PIK3R1: variants seen among roughly 807,000 people sequenced by gnomAD.
The protein encoded by PIK3R1 is phosphoinositide-3-kinase regulatory subunit 1.
In PIK3R1, 29 loss-of-function variants were observed where a neutral mutation model predicts 98.0. The ratio of observed to expected loss-of-function variants is 0.30; its 90% CI spans 0.22 to 0.40. The LOEUF (loss-of-function observed/expected upper bound fraction) is 0.40, where lower values mean the gene tolerates loss of function less well. PIK3R1 is among the 10% of genes least tolerant of loss of function. The pLI is 1.00. For missense variants in PIK3R1, 596 were observed against 872.7 expected, an observed-to-expected ratio of 0.68 and a Z score of 3.99; for synonymous variants, 282 against 311.8, an observed-to-expected ratio of 0.90 and a Z score of 1.01.
In PIK3R1 at chr5:68,290,261, T is replaced by G. The variant is rs111357406; in HGVS notation, c.917-1998T>G. Reference sequence around the variant, plus strand: ...TAAAACATAACTTAAGTATACCCTTTTAATGCCTTTGTAAGATTTTTAAAC... The same window carrying G: ...TAAAACATAACTTAAGTATACCCTTGTAATGCCTTTGTAAGATTTTTAAAC... On this transcript the variant is annotated intron_variant, in intron 7 of 15. Coordinates refer to ENST00000521381, the MANE Select transcript of PIK3R1 (RefSeq NM_181523.3). 6.1e-3 allele frequency among the ~76,000 whole-genome samples: 932 copies of G among 152,334 alleles called. 11 individuals carry two copies. Among genetic ancestry groups the G allele is most frequent in the African/African-American group, 0.021 (888 of 41,584 alleles).
Position 68,226,627 on chromosome 5 carries a change from T to C in PIK3R1, c.-49T>C. 1.4e-6 allele frequency: 2 copies of C among 1,433,568 alleles called. No individual in the cohort carries two copies. Among genetic ancestry groups the C allele is most frequent in the South Asian group, 2.4e-5 (2 of 83,662 alleles). The allele number at this position is 1,433,568 out of a possible 1,614,324, so 88.8% of individuals were successfully genotyped here. On this transcript the variant is annotated 5_prime_UTR_variant, in exon 2 of 16. Coordinates refer to ENST00000521381, the MANE Select transcript of PIK3R1 (RefSeq NM_181523.3). Reference sequence around the variant, plus strand: ...TTTTCATAAAAACGTAAAATCAGACTGCTCTGTACAACCAGGCTCAACTGT... The same window carrying C: ...TTTTCATAAAAACGTAAAATCAGACCGCTCTGTACAACCAGGCTCAACTGT...
Position 68,223,081 on chromosome 5 carries a change from A to G in PIK3R1, c.-386-3209A>G, listed in dbSNP as rs528433698. Among the ~76,000 whole-genome samples the G allele has an allele frequency of 1.5e-3, 224 of 151,792 alleles. 3 individuals are homozygous for G. Among genetic ancestry groups the G allele is most frequent in the African/African-American group, 4.9e-3 (203 of 41,176 alleles). ...ATAACTATATATAGTCAGCATCATC[A>G]TATCATCTAATACTAATTGGGAGCT... On this transcript the variant is annotated intron_variant, in intron 1 of 15. Transcript: ENST00000521381.
chr5:68,232,382 A>T (rs968539183), intron 2 of PIK3R1, among the ~76,000 whole-genome samples: 1 of 152,186 alleles, frequency 6.6e-6, no homozygotes, highest in African/African-American at 2.4e-5. Context: ...AAGAGACAGG[A>T]TGCTCACTTT....
At chr5:68,277,004 G>A (rs187156324) in intron 4 of PIK3R1, among the ~76,000 whole-genome samples, 1 of 152,196 alleles carries the variant, frequency 6.6e-6, no homozygotes, top group Non-Finnish European at 1.5e-5. Context: ...TGTCTTGTTA[G>A]AGGGGTGGCT....
chr5:68,288,645 C>A (rs1413593252), intron 7 of PIK3R1: 3 of 1,599,768 alleles, frequency 1.9e-6, no homozygotes, highest in Non-Finnish European at 2.6e-6. Flanking sequence ...GGGGGAGGTG[C>A]GGGGGCTTGG....
intron 2 of PIK3R1, among the ~76,000 whole-genome samples, chr5:68,251,779 A>G (rs1245132255): frequency 1.3e-5 from 2 of 152,130 alleles, no homozygotes; most frequent in African/African-American, 4.8e-5. Flanking sequence ...TATTTCCCCA[A>G]AGGAAATCAC....
chr5:68,224,965 T>A (rs183582886), intron 1 of PIK3R1, among the ~76,000 whole-genome samples: 1 of 152,382 alleles, frequency 6.6e-6, no homozygotes, highest in African/African-American at 2.4e-5. Context: ...CATTGCTACT[T>A]CCTCTCTAAT....
chr5:68,257,259 C>A (rs757781075), intron 2 of PIK3R1, among the ~76,000 whole-genome samples: 24 of 152,252 alleles, frequency 1.6e-4, no homozygotes, highest in Non-Finnish European at 2.9e-4. Context: ...CCCCGACCCA[C>A]ACATTTCACC....
intron 7 of PIK3R1, among the ~76,000 whole-genome samples, chr5:68,286,869 A>T (rs1747099949): frequency 6.6e-6 from 1 of 152,202 alleles, no homozygotes. Context: ...TAGAAAGGCT[A>T]TTTTTAAAAG....
At chr5:68,216,280 C>T (rs1025976677) in intron 1 of PIK3R1, among the ~76,000 whole-genome samples, 14 of 152,346 alleles carry the variant, frequency 9.2e-5, no homozygotes, top group African/African-American at 3.1e-4. Flanking sequence ...TCCCACCCTC[C>T]GTCACCGCAC....
chr5:68,256,266 G>A (rs1745511031), intron 2 of PIK3R1, among the ~76,000 whole-genome samples: 3 of 152,156 alleles, frequency 2.0e-5, no homozygotes, highest in Admixed American at 2.0e-4. Flanking sequence ...GTCTCGCTCT[G>A]TCGCACAGGG....
intron 2 of PIK3R1, among the ~76,000 whole-genome samples, chr5:68,249,974 G>C (rs1041421918): frequency 6.6e-5 from 10 of 152,182 alleles, no homozygotes; most frequent in Admixed American, 3.9e-4. Flanking sequence ...CAAGTGTTGG[G>C]CTGGATTCTG....
chr5:68,247,998 C>G (rs1024855695), intron 2 of PIK3R1, among the ~76,000 whole-genome samples: 29 of 145,448 alleles, frequency 2.0e-4, no homozygotes, highest in Admixed American at 3.4e-4. Context: ...GGAAAATGTT[C>G]TTTTTTTTTT....
chr5:68,292,017 T>C (rs1263962750), intron 7 of PIK3R1: 1 of 335,814 alleles, frequency 3.0e-6, no homozygotes, highest in African/African-American at 2.1e-5. Flanking sequence ...GCCAGCCCAA[T>C]TTATTTGTTA....
At chr5:68,260,925 C>A (rs1745719039) in intron 2 of PIK3R1, among the ~76,000 whole-genome samples, 1 of 152,182 alleles carries the variant, frequency 6.6e-6, no homozygotes, top group African/African-American at 2.4e-5. Context: ...TTTTACTGTT[C>A]ATTCTGGCAA....
chr5:68,297,425 G>A lies in PIK3R1; in HGVS notation c.1999G>A (p.Val667Ile), dbSNP rs1376924981. ...YACSVVVDGE[V>I]KHCVINKTAT... ...TCTCCTCTCTAGGGTGGACGGCGAA[G>A]TAAAGCATTGTGTCATAAACAAAAC... Residue 667 changes from valine to isoleucine, a missense_variant, in exon 16 of 16, where the codon GTA becomes ATA. Around this residue, in one of 3 missense-constraint regions of PIK3R1, gnomAD observed 207 missense variants for 361.4 expected, o/e 0.57. Coordinates refer to ENST00000521381, the MANE Select transcript of PIK3R1 (RefSeq NM_181523.3). 1 of 1,613,670 alleles carries A rather than the reference G, an allele frequency of 6.2e-7. No individual in the cohort carries two copies. Among genetic ancestry groups the A allele is most frequent in the South Asian group, 1.1e-5 (1 of 91,058 alleles).
chr5:68,270,395 CAATT>C (rs1240180001), intron 2 of PIK3R1, among the ~76,000 whole-genome samples: 1 of 152,130 alleles, frequency 6.6e-6, no homozygotes, highest in Non-Finnish European at 1.5e-5. Context: ...ATTTCAATCA[CAATT>C]AGATGAAATC....
chr5:68,272,136 G>A (rs191626865), intron 2 of PIK3R1, among the ~76,000 whole-genome samples: 5 of 151,264 alleles, frequency 3.3e-5, no homozygotes, highest in East Asian at 3.9e-4. Flanking sequence ...CACTGTAGTC[G>A]CAGCTACTCA....
At chr5:68,280,768 A>G (rs781093573) in intron 6 of PIK3R1, 39 bp downstream of exon 6, 1 of 1,552,036 alleles carries the variant, frequency 6.4e-7, no homozygotes, top group Non-Finnish European at 8.9e-7. Flanking sequence ...TGGGGTGATG[A>G]GGGTAGTCCT....
Sources: allele counts gnomAD v4.1 joint callset (sites outside exome capture counted in the v4.1 genomes callset), GRCh38; gene constraint gnomAD v4.1.1; regional missense constraint gnomAD v4.1.1; transcripts MANE v1.5; gene names NCBI Gene and HGNC (gene_info 2026-07-23, HGNC 2026-07-21).